Variants in SPAST observed in about 807,000 individuals in gnomAD.
SPAST encodes the protein spastin.
A neutral mutation model predicts 76.6 loss-of-function variants in SPAST; 30 were observed. The ratio of observed to expected loss-of-function variants is 0.39; its 90% confidence interval spans 0.29 to 0.53. The LOEUF (loss-of-function observed/expected upper bound fraction) is 0.53, where lower values mean the gene tolerates loss of function less well. Ranked by LOEUF, SPAST falls within the 20% of genes least tolerant of loss-of-function variation. The pLI is 0.68. For synonymous variants in SPAST, 305 were observed against 281.0 expected (o/e 1.09, Z -0.86); for missense variants, 717 against 770.5 (o/e 0.93, Z 0.82).
Position 32,086,427 on chromosome 2 carries a change from C to G in SPAST, c.416-1065C>G, listed in dbSNP as rs189084319. Among the ~76,000 whole-genome samples, 53 of 151,626 alleles carry G rather than the reference C, an allele frequency of 3.5e-4. No homozygotes were observed. In the East Asian group the frequency reaches 0.01, roughly 29 times the overall value. On this transcript the variant is annotated intron_variant, in intron 1 of 16. Transcript: ENST00000315285. ...GGTGCAGTGAGCTAGGATTGTGCCC[C>G]TGCACTCTAGTGTGGGTGACAGCAA...
chr2:32,131,424 G>A (rs753122634), intron 9 of SPAST, among the ~76,000 whole-genome samples: 34 of 152,080 alleles, frequency 2.2e-4, no homozygotes, highest in Admixed American at 2.0e-4. Flanking sequence ...GTCTCCATGC[G>A]GGCAGAGACT....
intron 9 of SPAST, among the ~76,000 whole-genome samples, chr2:32,131,214 TCTC>T (rs1348546621): frequency 6.6e-6 from 1 of 152,196 alleles, no homozygotes; most frequent in Non-Finnish European, 1.5e-5. Context: ...AACACTATCT[TCTC>T]CTGGTTAATT....
At chr2:32,117,300 A>G (rs1262717496) in intron 7 of SPAST, among the ~76,000 whole-genome samples, 2 of 151,968 alleles carry the variant, frequency 1.3e-5, no homozygotes, top group East Asian at 1.9e-4. Flanking sequence ...AAATAAATAA[A>G]TAATATTAAG....
At chr2:32,120,458 T>C (rs1378755907) in intron 7 of SPAST, among the ~76,000 whole-genome samples, 4 of 152,158 alleles carry the variant, frequency 2.6e-5, no homozygotes, top group Non-Finnish European at 5.9e-5. Flanking sequence ...CCCTAAATAA[T>C]TGTGTTATTT....
chr2:32,116,396 G>C (rs1463080090), intron 7 of SPAST, among the ~76,000 whole-genome samples, 184 bp downstream of exon 7: 1 of 152,130 alleles, frequency 6.6e-6, no homozygotes, highest in Non-Finnish European at 1.5e-5. Flanking sequence ...TATAGAATAG[G>C]AAAATGGATA....
chr2:32,103,099 A>G (rs1678189279), intron 4 of SPAST, among the ~76,000 whole-genome samples: 2 of 152,048 alleles, frequency 1.3e-5, no homozygotes, highest in Admixed American at 1.3e-4. Context: ...CTGGTCCTGG[A>G]CTTTTTTTGG....
chr2:32,118,972 A>G (rs1396569061), intron 7 of SPAST, among the ~76,000 whole-genome samples: 3 of 152,212 alleles, frequency 2.0e-5, no homozygotes, highest in Non-Finnish European at 2.9e-5. Context: ...ATAATGTGCA[A>G]TTAAGAAGCT....
chr2:32,081,781 C>CAAAAAAAAAAAAAAAAAAA lies in SPAST; in HGVS notation c.416-5706_416-5688dup, dbSNP rs34078147. On this transcript the variant is annotated intron_variant, in intron 1 of 16. Transcript: ENST00000315285. The stretch of plus-strand genomic sequence containing the variant: ...CCTGGGCGACAGAGTGAGACACTGT[C>CAAAAAAAAAAAAAAAAAAA]AAAAAAAAAAAAAAAAAAAAAAAGG... Among the ~76,000 whole-genome samples the CAAAAAAAAAAAAAAAAAAA allele has an allele frequency of 1.8e-4, 8 of 44,384 alleles. 1 individual carries two copies. The highest frequency in any genetic ancestry group is 1.4e-3 in the South Asian group (1 of 712). The allele number at this position is 44,384 out of a possible 152,430, so 29.1% of individuals were successfully genotyped here.
chr2:32,114,413 GAAAATT>G (rs1175265867), intron 4 of SPAST, among the ~76,000 whole-genome samples: 3 of 151,952 alleles, frequency 2.0e-5, no homozygotes, highest in Non-Finnish European at 4.4e-5. Flanking sequence ...CAAAAAAAGA[GAAAATT>G]AGAATTATAC....
intron 16 of SPAST, among the ~76,000 whole-genome samples, chr2:32,147,876 C>T (rs1483777923): frequency 6.6e-6 from 1 of 151,224 alleles, no homozygotes. Flanking sequence ...CGTGATCTGC[C>T]TGCCTCAGCC....
intron 9 of SPAST, among the ~76,000 whole-genome samples, chr2:32,133,891 A>C (rs1013401215): frequency 2.6e-5 from 4 of 152,196 alleles, no homozygotes; most frequent in African/African-American, 9.7e-5. Context: ...AATCTTCTGT[A>C]AGTTTCTTTA....
intron 7 of SPAST, among the ~76,000 whole-genome samples, chr2:32,126,344 C>T (rs1435518259): frequency 2.0e-5 from 3 of 151,722 alleles, no homozygotes; most frequent in Non-Finnish European, 4.4e-5. Flanking sequence ...TTGGAAGATT[C>T]ATATATTTTT....
At chr2:32,135,710 C>T (rs1299536650) in intron 9 of SPAST, among the ~76,000 whole-genome samples, 1 of 151,832 alleles carries the variant, frequency 6.6e-6, no homozygotes, top group Non-Finnish European at 1.5e-5. Context: ...TCCAGCACCT[C>T]GGGAGGCCAA....
intron 16 of SPAST, among the ~76,000 whole-genome samples, chr2:32,149,691 A>G (rs887502298): frequency 1.3e-5 from 2 of 152,206 alleles, no homozygotes; most frequent in African/African-American, 2.4e-5. Flanking sequence ...TATAAAAACT[A>G]TTTACATTGC....
chr2:32,105,544 T>A (rs1184369221), intron 4 of SPAST, among the ~76,000 whole-genome samples: 1 of 152,176 alleles, frequency 6.6e-6, no homozygotes, highest in East Asian at 1.9e-4. Context: ...GCTCTGAATT[T>A]TAGAATTTTC....
intron 3 of SPAST, among the ~76,000 whole-genome samples, chr2:32,091,156 C>A (rs1005821679): frequency 1.3e-5 from 2 of 151,562 alleles, no homozygotes; most frequent in African/African-American, 4.8e-5. Context: ...ATTTGGTAAG[C>A]AGGTAAACCT....
At chr2:32,147,153 G>C (rs558440710) in intron 15 of SPAST, 65 bp from the exon 16 acceptor site, 666 of 1,055,524 alleles carry the variant, frequency 6.3e-4, no homozygotes, top group Non-Finnish European at 9.1e-4. Context: ...ACTTGGTTTT[G>C]CCCTTCAACA....
At chr2:32,131,370 A>C (rs1679364924) in intron 9 of SPAST, among the ~76,000 whole-genome samples, 1 of 152,162 alleles carries the variant, frequency 6.6e-6, no homozygotes, top group Admixed American at 6.5e-5. Flanking sequence ...TGATAGGATT[A>C]TTTTAATTGT....
chr2:32,151,354 G>T (rs911514337), intron 16 of SPAST, among the ~76,000 whole-genome samples: 11 of 152,196 alleles, frequency 7.2e-5, no homozygotes, highest in African/African-American at 2.4e-4. Context: ...TATTTATAAA[G>T]CACTTAAAGT....
Sources: allele counts gnomAD v4.1 joint callset (sites outside exome capture counted in the v4.1 genomes callset), GRCh38; gene constraint gnomAD v4.1.1; transcripts MANE v1.5; gene names NCBI Gene and HGNC (gene_info 2026-07-23, HGNC 2026-07-21).